NKAIN2: variants seen among roughly 807,000 people sequenced by gnomAD.
NKAIN2 encodes the protein sodium/potassium-transporting ATPase subunit beta-1-interacting protein 2.
Under a neutral mutation model 32.6 loss-of-function variants are expected in NKAIN2, and 14 were observed. The observed-to-expected ratio is 0.43, with a 90% CI of 0.28 to 0.67. The LOEUF is 0.67. Among genes scored for constraint, NKAIN2 ranks in the 30% least tolerant of loss-of-function variants. The probability of loss-of-function intolerance (pLI) is 0.17; values close to 1 mark genes in which losing one functional copy is unlikely to be tolerated. For missense variants in NKAIN2, 198 were observed against 258.3 expected (o/e 0.77, Z 1.60); for synonymous variants, 80 against 87.2 (o/e 0.92, Z 0.46).
chr6:124,027,720 T>TTC (rs1562316329), intron 1 of NKAIN2, among the ~76,000 whole-genome samples: 2 of 151,230 alleles, frequency 1.3e-5, no homozygotes, highest in Non-Finnish European at 1.5e-5. Context: ...AAGTTCCAAA[T>TTC]TAAATAGTTC....
At chr6:124,335,319 A>G (rs370476553) in intron 2 of NKAIN2, among the ~76,000 whole-genome samples, 1 of 152,352 alleles carries the variant, frequency 6.6e-6, no homozygotes, top group South Asian at 2.1e-4. Flanking sequence ...ACAAGATTTT[A>G]TATATAGAGA....
intron 1 of NKAIN2, among the ~76,000 whole-genome samples, chr6:124,177,532 G>T (rs1295127507): frequency 6.6e-6 from 1 of 152,010 alleles, no homozygotes; most frequent in African/African-American, 2.4e-5. Context: ...CACTTATCCT[G>T]GGAAAATAGG....
chr6:123,954,646 C>T (rs933007505), intron 1 of NKAIN2, among the ~76,000 whole-genome samples: 1 of 152,184 alleles, frequency 6.6e-6, no homozygotes. Context: ...ATCTTGGAGA[C>T]CCAAAGGATT....
chr6:124,712,325 T>G (rs1272872858), intron 4 of NKAIN2, among the ~76,000 whole-genome samples: 15 of 116,154 alleles, frequency 1.3e-4, no homozygotes, highest in South Asian at 2.7e-4. Flanking sequence ...GCAGGCCTCC[T>G]TGAGCTGTGG....
intron 3 of NKAIN2, among the ~76,000 whole-genome samples, chr6:124,571,136 C>T (rs758883925): frequency 4.6e-5 from 7 of 152,152 alleles, no homozygotes; most frequent in Non-Finnish European, 1.0e-4. Context: ...TGTATTTACC[C>T]AATACCCGTA....
chr6:124,469,609 T>C (rs1477833855), intron 3 of NKAIN2, among the ~76,000 whole-genome samples: 1 of 152,184 alleles, frequency 6.6e-6, no homozygotes, highest in African/African-American at 2.4e-5. Context: ...TAGCTACTTA[T>C]GAATGCATTT....
At chr6:124,640,174 G>A (rs552060828) in intron 3 of NKAIN2, among the ~76,000 whole-genome samples, 11 of 152,052 alleles carry the variant, frequency 7.2e-5, no homozygotes, top group Non-Finnish European at 1.2e-4. Context: ...TCTGACTATC[G>A]AAAAATGATA....
intron 3 of NKAIN2, among the ~76,000 whole-genome samples, chr6:124,544,572 C>CA (rs1024315276): frequency 6.8e-4 from 103 of 151,408 alleles, no homozygotes; most frequent in African/African-American, 2.4e-3. Context: ...CAGAGGTTAA[C>CA]AAAGAGCAGA....
chr6:123,939,594 T>C (rs1776722170), intron 1 of NKAIN2, among the ~76,000 whole-genome samples: 1 of 152,024 alleles, frequency 6.6e-6, no homozygotes, highest in Admixed American at 6.6e-5. Flanking sequence ...TAATGCACTC[T>C]GATATTTTCT....
At chr6:124,409,447 A>G (rs1300670295) in intron 3 of NKAIN2, among the ~76,000 whole-genome samples, 3 of 152,158 alleles carry the variant, frequency 2.0e-5, no homozygotes, top group Non-Finnish European at 4.4e-5. Context: ...ATCTATTGAG[A>G]TAATCATGTG....
At chr6:123,868,518 A>G (rs1405361295) in intron 1 of NKAIN2, among the ~76,000 whole-genome samples, 3 of 152,230 alleles carry the variant, frequency 2.0e-5, no homozygotes, top group African/African-American at 7.2e-5. Context: ...CCTGACTACC[A>G]ATAAGATATA....
At chr6:124,282,874 A>C in intron 1 of NKAIN2, 131 bp from the exon 2 acceptor site, 1 of 770,544 alleles carries the variant, frequency 1.3e-6, no homozygotes, top group Non-Finnish European at 2.2e-6. Context: ...GCTGTTAGTT[A>C]AAGACAAATG....
intron 1 of NKAIN2, among the ~76,000 whole-genome samples, chr6:123,975,268 G>A (rs1778507973): frequency 6.6e-6 from 1 of 152,076 alleles, no homozygotes; most frequent in Non-Finnish European, 1.5e-5. Context: ...GAAGAAAAAT[G>A]CTCAGGAAAT....
intron 3 of NKAIN2, among the ~76,000 whole-genome samples, chr6:124,411,372 G>T (rs574492280): frequency 3.5e-4 from 53 of 152,146 alleles, no homozygotes; most frequent in Admixed American, 1.7e-3. Context: ...TTTAGGGCAG[G>T]CCTGGTGGTG....
At chr6:124,334,558 G>A (rs1797792092) in intron 2 of NKAIN2, among the ~76,000 whole-genome samples, 1 of 151,788 alleles carries the variant, frequency 6.6e-6, no homozygotes, top group African/African-American at 2.4e-5. Context: ...CCTGGTGGGG[G>A]GCACTAGAAG....
chr6:123,915,386 T>C (rs1775435113), intron 1 of NKAIN2, among the ~76,000 whole-genome samples: 1 of 152,082 alleles, frequency 6.6e-6, no homozygotes, highest in Admixed American at 6.6e-5. Flanking sequence ...ACAACAACCA[T>C]TCCTGTCTCC....
At chr6:124,391,388 T>C (rs1235423489) in intron 3 of NKAIN2, among the ~76,000 whole-genome samples, 1 of 152,126 alleles carries the variant, frequency 6.6e-6, no homozygotes, top group African/African-American at 2.4e-5. Context: ...CAATTTGGTA[T>C]GATAGGACCT....
chr6:124,430,295 T>C (rs1775160187), intron 3 of NKAIN2, among the ~76,000 whole-genome samples: 1 of 152,220 alleles, frequency 6.6e-6, no homozygotes, highest in African/African-American at 2.4e-5. Context: ...CATTCTCACT[T>C]TGTGCATATG....
At chr6:124,113,617 C>G in intron 1 of NKAIN2, among the ~76,000 whole-genome samples, 1 of 152,094 alleles carries the variant, frequency 6.6e-6, no homozygotes, top group East Asian at 1.9e-4. Flanking sequence ...TGTGTCCCCC[C>G]GCCCCGACTC....
Sources: gnomAD v4.1 joint callset for allele counts (sites outside exome capture counted in the v4.1 genomes callset) on GRCh38, gnomAD v4.1.1 for gene constraint, MANE v1.5 for transcripts, NCBI Gene and HGNC (gene_info 2026-07-23, HGNC 2026-07-21) for gene names.